Variants in SPOPL observed in about 807,000 individuals in gnomAD.
SPOPL encodes the protein speckle type BTB/POZ protein like.
SPOPL carries 23 observed loss-of-function variants against 53.8 expected under a neutral mutation model. The observed-to-expected ratio is 0.43, with a 90% CI of 0.31 to 0.61. The LOEUF is 0.61. Among genes scored for constraint, SPOPL ranks in the 20% least tolerant of loss-of-function variants. The pLI is 0.12. For missense variants in SPOPL, 442 were observed against 466.9 expected (o/e 0.95, Z 0.49); for synonymous variants, 164 against 149.7 (o/e 1.10, Z -0.70).
At chr2:138,554,211 T>C (rs1558877666) in intron 5 of SPOPL, among the ~76,000 whole-genome samples, 1 of 151,934 alleles carries the variant, frequency 6.6e-6, no homozygotes, top group African/African-American at 2.4e-5. Context: ...ATCCATATGC[T>C]ACATGCTAGT....
At chr2:138,523,484 T>G (rs1427895789) in intron 1 of SPOPL, among the ~76,000 whole-genome samples, 1 of 152,106 alleles carries the variant, frequency 6.6e-6, no homozygotes, top group Admixed American at 6.5e-5. Context: ...CCTTTCCAAC[T>G]GGTTTTGAGT....
Position 138,571,331 on chromosome 2 carries a change from C to T in SPOPL, c.*2251C>T, listed in dbSNP as rs1205594153. On this transcript the variant is annotated 3_prime_UTR_variant, in exon 11 of 11. Coordinates refer to ENST00000280098, the MANE Select transcript of SPOPL (RefSeq NM_001001664.3). ...TTCAGTAAAAATACCGTATAATGAA[C>T]ATTTCAGCTTCTTCTTACTTACTCG... is the stretch of plus-strand genomic sequence containing the variant. The T allele has an allele frequency of 6.6e-6, 1 of 152,458 alleles. No individual in the cohort carries two copies. The highest frequency in any genetic ancestry group is 6.6e-5 in the Admixed American group (1 of 15,242). 9.4% of individuals were successfully genotyped at this position (152,458 alleles called of 1,614,324 possible).
At position 138,564,763 on chromosome 2, in the gene SPOPL, C is replaced by T. The variant is rs1225931708; in HGVS notation, c.893C>T (p.Ser298Leu). 6.2e-7 allele frequency: 1 copy of T among 1,614,168 alleles called. No homozygotes were observed. Among genetic ancestry groups the T allele is most frequent in the East Asian group, 2.2e-5 (1 of 44,874 alleles). ...GAAGAAGCTTTGTGTAGTAACCTCT[C>T]AGTAGAGAATGTTGCAGATACCCTT... is the stretch of plus-strand genomic sequence containing the variant. ...MCEEALCSNL[S>L]VENVADTLVL... The change falls in exon 9 of 11, where the codon TCA becomes TTA. Residue 298 changes from serine (S) to leucine (L), a missense_variant. By Grantham distance (145) the Ser-to-Leu change is moderately radical. Transcript: ENST00000280098.
intron 1 of SPOPL, among the ~76,000 whole-genome samples, chr2:138,534,980 A>G (rs1441808701): frequency 1.3e-5 from 2 of 152,186 alleles, no homozygotes; most frequent in Non-Finnish European, 2.9e-5. Context: ...ACCAGGCTTA[A>G]TGGCTCACAC....
In SPOPL at chr2:138,569,131, C is replaced by G; in HGVS notation, c.*51C>G. 1.3e-6 allele frequency: 2 copies of G among 1,584,086 alleles called. No individual in the cohort carries two copies. The highest frequency in any genetic ancestry group is 8.6e-7 in the Non-Finnish European group (1 of 1,160,144). ...GGAATTGACTTTCACTCCTCCAGGT[C>G]CAGAAGGATTCTAATACACAAACCA... On this transcript the variant is annotated 3_prime_UTR_variant, in exon 11 of 11. Coordinates refer to ENST00000280098, the MANE Select transcript of SPOPL (RefSeq NM_001001664.3).
intron 1 of SPOPL, among the ~76,000 whole-genome samples, chr2:138,538,592 C>A (rs923480227): frequency 6.6e-6 from 1 of 152,102 alleles, no homozygotes; most frequent in Non-Finnish European, 1.5e-5. Context: ...TACACAAGAA[C>A]CCTTAAAAAT....
chr2:138,546,799 A>G (rs1026327018), intron 1 of SPOPL, among the ~76,000 whole-genome samples: 5 of 152,210 alleles, frequency 3.3e-5, no homozygotes, highest in Admixed American at 6.5e-5. Context: ...TCACAGAGCT[A>G]CTGAAGAATG....
Position 138,569,084 on chromosome 2 carries a change from C to G in SPOPL, c.*4C>G, listed in dbSNP as rs1262134929. 1 of 1,609,524 alleles carries G rather than the reference C, an allele frequency of 6.2e-7. No homozygotes were observed. Among genetic ancestry groups the G allele is most frequent in the African/African-American group, 1.3e-5 (1 of 74,758 alleles). ...CAAACGGCTAAAACAGTCCTGAAAT[C>G]TTCCATGAACAGTTGAAAAATGGAA... On this transcript the variant is annotated 3_prime_UTR_variant, in exon 11 of 11. Coordinates refer to ENST00000280098, the MANE Select transcript of SPOPL (RefSeq NM_001001664.3).
At chr2:138,506,877 T>C (rs961060829) in intron 1 of SPOPL, among the ~76,000 whole-genome samples, 2 of 152,098 alleles carry the variant, frequency 1.3e-5, no homozygotes, top group Non-Finnish European at 2.9e-5. Flanking sequence ...ATGGAGAAGA[T>C]AAGGGGTCTT....
chr2:138,533,926 A>G (rs1684872026), intron 1 of SPOPL, among the ~76,000 whole-genome samples: 1 of 152,198 alleles, frequency 6.6e-6, no homozygotes, highest in Admixed American at 6.5e-5. Context: ...GCAGATGACA[A>G]TGAAAGACGT....
At chr2:138,532,633 G>A (rs1265159697) in intron 1 of SPOPL, among the ~76,000 whole-genome samples, 45 of 140,612 alleles carry the variant, frequency 3.2e-4, no homozygotes, top group Admixed American at 6.6e-4. Context: ...TAGTAGAGAC[G>A]GGGTTTCACC....
intron 8 of SPOPL, among the ~76,000 whole-genome samples, chr2:138,563,863 C>A (rs1469143419): frequency 6.6e-6 from 1 of 152,034 alleles, no homozygotes; most frequent in Non-Finnish European, 1.5e-5. Flanking sequence ...TGGTAACAAC[C>A]CAAATATTCA....
intron 5 of SPOPL, among the ~76,000 whole-genome samples, chr2:138,557,038 C>T (rs1685440116): frequency 6.6e-6 from 1 of 152,080 alleles, no homozygotes; most frequent in Non-Finnish European, 1.5e-5. Flanking sequence ...CACCTGTAGT[C>T]CCAGCTACTC....
chr2:138,508,622 G>A lies in SPOPL; in HGVS notation c.-61+6503G>A, dbSNP rs545031527. ...CTGGGATTATAGGCTGAGCCACTGG[G>A]TCTGGCCAAAGTGAATTTTAAAAAC... On this transcript the variant is annotated intron_variant, in intron 1 of 10. Transcript: ENST00000280098. 1.4e-3 allele frequency among the ~76,000 whole-genome samples: 218 copies of A among 152,258 alleles called. 1 individual carries two copies. Among genetic ancestry groups the A allele is most frequent in the Non-Finnish European group, 2.7e-3 (181 of 68,036 alleles).
At chr2:138,549,572 C>CT (rs1049819248) in intron 1 of SPOPL, among the ~76,000 whole-genome samples, 1 of 152,114 alleles carries the variant, frequency 6.6e-6, no homozygotes, top group African/African-American at 2.4e-5. Context: ...CATAGTACGT[C>CT]TCGGCAAGAA....
intron 5 of SPOPL, 33 bp from the exon 6 acceptor site, chr2:138,558,989 A>C (rs1685485112): frequency 2.0e-6 from 3 of 1,533,322 alleles, no homozygotes; most frequent in Non-Finnish European, 2.6e-6. Context: ...TTACTTTGTG[A>C]AAGTGTTTTT....
At chr2:138,547,303 A>G (rs1347349558) in intron 1 of SPOPL, among the ~76,000 whole-genome samples, 3 of 152,204 alleles carry the variant, frequency 2.0e-5, no homozygotes, top group Admixed American at 1.3e-4. Context: ...TTTGAAGTGT[A>G]TATGAAGTAT....
intron 1 of SPOPL, among the ~76,000 whole-genome samples, chr2:138,547,147 G>A (rs543423044): frequency 6.6e-6 from 1 of 152,096 alleles, no homozygotes; most frequent in African/African-American, 2.4e-5. Flanking sequence ...TGTATTTTTA[G>A]TAGAGACAGG....
intron 1 of SPOPL, among the ~76,000 whole-genome samples, chr2:138,502,985 A>G (rs1427225299): frequency 1.3e-5 from 2 of 151,928 alleles, no homozygotes; most frequent in Admixed American, 6.5e-5. Context: ...TGCTTTGTCT[A>G]TTTTTGAATA....
Sources: gnomAD v4.1 joint callset for allele counts (sites outside exome capture counted in the v4.1 genomes callset) on GRCh38, gnomAD v4.1.1 for gene constraint, MANE v1.5 for transcripts, NCBI Gene and HGNC (gene_info 2026-07-23, HGNC 2026-07-21) for gene names.